The following HSPG2 variants were observed in gnomAD, a reference collection of about 807,000 sequenced individuals.
HSPG2 encodes the protein heparan sulfate proteoglycan 2, also known as basement membrane-specific heparan sulfate proteoglycan core protein.
In HSPG2, 278 loss-of-function variants were observed where a neutral mutation model predicts 526.6. The ratio of observed to expected loss-of-function variants is 0.53; its 90% CI spans 0.48 to 0.58. The LOEUF (loss-of-function observed/expected upper bound fraction) is 0.58, where lower values mean the gene tolerates loss of function less well. Among genes scored for constraint, HSPG2 ranks in the 20% least tolerant of loss-of-function variants. HSPG2 has a pLI of 0.00. For synonymous variants in HSPG2, 2,465 were observed against 2,555.4 expected, an observed-to-expected ratio of 0.96 and a Z score of 1.07; for missense variants, 5,354 against 6,099.5, an observed-to-expected ratio of 0.88 and a Z score of 4.07.
At chr1:21,896,809 T>C (rs116721083) in intron 1 of HSPG2, among the ~76,000 whole-genome samples, 2 of 152,288 alleles carry the variant, frequency 1.3e-5, no homozygotes, top group East Asian at 3.9e-4. Context: ...CCCAGGCCAT[T>C]TGGCTCCTCT....
intron 1 of HSPG2, among the ~76,000 whole-genome samples, chr1:21,914,325 CAGGTGCATACTT>C (rs1264369444): frequency 6.6e-6 from 1 of 152,098 alleles, no homozygotes; most frequent in Middle Eastern, 3.2e-3. Context: ...CAGAGCAAGT[CAGGTGCATACTT>C]AGAGGAAGAG....
intron 2 of HSPG2, 24 bp downstream of exon 2, chr1:21,896,151 C>T (rs1642731312): frequency 6.2e-7 from 1 of 1,613,826 alleles, no homozygotes; most frequent in Non-Finnish European, 8.5e-7. Flanking sequence ...CCCCTCTGCT[C>T]CCAGCCTTGG....
At position 21,895,704 on chromosome 1, in the gene HSPG2, C is replaced by T. The variant is rs368600265; in HGVS notation, c.244+218G>A. 1.3e-5 allele frequency among the ~76,000 whole-genome samples: 2 copies of T among 152,218 alleles called. No homozygotes were observed. The highest frequency in any genetic ancestry group is 4.8e-5 in the African/African-American group (2 of 41,452). On this transcript the variant is annotated intron_variant, in intron 3 of 96. Transcript: ENST00000374695. The surrounding 1 kb of genome is among the most constrained non-coding windows in gnomAD (Gnocchi z 4.1). The stretch of plus-strand genomic sequence containing the variant: ...CCTGCCCAGTGCCCTGATACCTGTG[C>T]CTGTGGCATGGGCAAGCACAGGACC...
At chr1:21,869,740 C>T (rs1640502761) in intron 33 of HSPG2, 1 of 985,870 alleles carries the variant, frequency 1.0e-6, no homozygotes, top group Non-Finnish European at 1.2e-6. Flanking sequence ...CTTCACCTCC[C>T]CACGGGCCCA....
Position 21,843,061 on chromosome 1 carries a change from T to A in HSPG2, c.8759-140A>T, listed in dbSNP as rs1572195154. ...AGTGGCTGATATAACCTAAGAAGGG[T>A]CTCCTTTCCCTGGGGACTCAAGGGT... On this transcript the variant is annotated intron_variant, in intron 66 of 96. Transcript: ENST00000374695. 35 of 1,083,752 alleles carry A rather than the reference T, an allele frequency of 3.2e-5. 1 individual carries two copies. In the South Asian group the frequency reaches 4.6e-4, roughly 14 times the overall value. The allele number at this position is 1,083,752 out of a possible 1,614,324, so 67.1% of individuals were successfully genotyped here.
chr1:21,918,282 T>C (rs549813075), intron 1 of HSPG2, among the ~76,000 whole-genome samples: 14 of 152,106 alleles, frequency 9.2e-5, no homozygotes, highest in Non-Finnish European at 1.9e-4. Context: ...CTGGCCAACA[T>C]AGTAAAACCC....
Position 21,881,347 on chromosome 1 carries a change from C to G in HSPG2, c.1810G>C (p.Gly604Arg). The G allele has an allele frequency of 6.2e-7, 1 of 1,613,864 alleles. No individual in the cohort carries two copies. Among genetic ancestry groups the G allele is most frequent in the South Asian group, 1.1e-5 (1 of 91,062 alleles). The change falls in exon 14 of 97, where the codon GGC (glycine) becomes CGC (arginine). Residue 604 changes from glycine (G) to arginine (R), a missense_variant. By Grantham distance (125) the Gly-to-Arg change is moderately radical. Transcript: ENST00000374695. ...CAGCCCAGGCCCCTCACCTTGTTGC[C>G]CAGGAACTGTTCAGGCAGAGCCCAG... Reference protein sequence around the residue: ...SFWALPEQFLGNKVDSYGGSL... With the variant: ...SFWALPEQFLRNKVDSYGGSL...
intron 66 of HSPG2, 73 bp downstream of exon 66, chr1:21,843,224 G>C (rs996087048): frequency 2.0e-5 from 32 of 1,596,294 alleles, no homozygotes; most frequent in African/African-American, 2.7e-5. Flanking sequence ...GGCTGGGAGA[G>C]AGGAGAGGAG....
intron 55 of HSPG2, 117 bp downstream of exon 55, chr1:21,851,429 G>A: frequency 6.8e-7 from 1 of 1,469,136 alleles, no homozygotes. Flanking sequence ...CTATACATCT[G>A]TGCAATGGGG....
chr1:21,838,786 A>T, intron 74 of HSPG2, 39 bp downstream of exon 74: 1 of 1,605,192 alleles, frequency 6.2e-7, no homozygotes, highest in East Asian at 2.2e-5. Context: ...GGCCAGGAGG[A>T]AAGGTGATCC....
In HSPG2 at chr1:21,843,257, G is replaced by A. The variant is rs778789552; in HGVS notation, c.8758+40C>T. 33 of 1,612,868 alleles carry A rather than the reference G, an allele frequency of 2.0e-5. No homozygotes were observed. The Admixed American group carries it at 3.2e-4, about 15-fold the overall frequency. On this transcript the variant is annotated intron_variant, in intron 66 of 96. Coordinates refer to ENST00000374695, the MANE Select transcript of HSPG2 (RefSeq NM_005529.7). ...GAGCAGAGCTGGGAAGGAGCCCCGC[G>A]CCTGTGCTCTGGCATCGCCCACTGC...
At chr1:21,919,782 C>T (rs1421396514) in intron 1 of HSPG2, among the ~76,000 whole-genome samples, 1 of 152,182 alleles carries the variant, frequency 6.6e-6, no homozygotes, top group Non-Finnish European at 1.5e-5. Context: ...GCTGCTAGTG[C>T]CTGGACCATC....
At chr1:21,870,966 C>A in intron 33 of HSPG2, 4 of 760,558 alleles carry the variant, frequency 5.3e-6, no homozygotes, top group Non-Finnish European at 6.4e-6. Context: ...TAGCGAACCC[C>A]AGAAGGGAGA....
rs1375123956 is a variant in HSPG2, at chr1:21,855,305, T to G, written c.5996A>C (p.Gln1999Pro). ...TCCTGGGTGGGCCCATCTCCTCACC[T>G]GTGGTGGGAGGCTGCCCCCTTCCTT... ...WRKEGGSLPP[Q>P]ARSERTDIAT... The change falls in exon 47 of 97, where the codon CAG (glutamine) becomes CCG (proline). Residue 1999 changes from glutamine to proline, a missense_variant and splice_region_variant. By Grantham distance (76) the Gln-to-Pro change is moderately conservative. Transcript: ENST00000374695. 1.2e-6 allele frequency: 2 copies of G among 1,602,752 alleles called. No homozygotes were observed.
At chr1:21,899,116 T>G (rs1642949209) in intron 1 of HSPG2, among the ~76,000 whole-genome samples, 1 of 152,198 alleles carries the variant, frequency 6.6e-6, no homozygotes, top group South Asian at 2.1e-4. Flanking sequence ...TCCCTCCATC[T>G]GCCAGTCTGC....
At chr1:21,843,700 G>A (rs1354372389) in intron 65 of HSPG2, among the ~76,000 whole-genome samples, 1 of 152,108 alleles carries the variant, frequency 6.6e-6, no homozygotes, top group African/African-American at 2.4e-5. Flanking sequence ...AGGCTGGAGT[G>A]CAGTGGTGCA....
chr1:21,915,198 G>GCCCAC (rs1643863200), intron 1 of HSPG2, among the ~76,000 whole-genome samples: 2 of 152,020 alleles, frequency 1.3e-5, no homozygotes, highest in Non-Finnish European at 1.5e-5. Flanking sequence ...AGCGGGCAGG[G>GCCCAC]TGCCCCCGTC....
In HSPG2 at chr1:21,907,095, C is replaced by T. The variant is rs534713198; in HGVS notation, c.64-10785G>A. On this transcript the variant is annotated intron_variant, in intron 1 of 96. Transcript: ENST00000374695. ...ACAGCCTGAGCCTTCCCTCCCTGGC[C>T]ATCAGTCTGCTCTCTCAGGGGGTGA... 1.2e-4 allele frequency among the ~76,000 whole-genome samples: 19 copies of T among 152,256 alleles called. No homozygotes were observed. In the South Asian group the frequency reaches 3.7e-3, roughly 30 times the overall value.
intron 1 of HSPG2, chr1:21,908,653 T>C: frequency 1.7e-6 from 1 of 588,036 alleles, no homozygotes; most frequent in South Asian, 2.1e-5. Context: ...TTATCTTTGT[T>C]ATTTTGATTA....
Sources: allele counts gnomAD v4.1 joint callset (sites outside exome capture counted in the v4.1 genomes callset), GRCh38; gene constraint gnomAD v4.1.1; non-coding constraint Gnocchi (gnomAD v3.1); transcripts MANE v1.5; gene names NCBI Gene and HGNC (gene_info 2026-07-23, HGNC 2026-07-21).